Variants in GAB3 observed in about 807,000 individuals in gnomAD.
GAB3 encodes the protein GRB2 associated binding protein 3, also known as GRB2-associated-binding protein 3.
A neutral mutation model predicts 40.4 loss-of-function variants in GAB3; 12 were observed. The ratio of observed to expected loss-of-function variants is 0.30; its 90% confidence interval spans 0.19 to 0.48. The LOEUF is 0.48. GAB3 is among the 20% of genes least tolerant of loss of function. The pLI, the probability that GAB3 is intolerant of heterozygous loss-of-function variation, is 0.99. For missense variants in GAB3, 381 were observed against 461.9 expected, an observed-to-expected ratio of 0.82 and a Z score of 1.61; for synonymous variants, 154 against 176.7, an observed-to-expected ratio of 0.87 and a Z score of 1.02.
chrX:154,730,362 A>G (rs782194021), intron 1 of GAB3, among the ~76,000 whole-genome samples: 3 of 112,035 alleles, frequency 2.7e-5, no homozygotes, highest in Non-Finnish European at 5.6e-5. Flanking sequence ...ACATATACTT[A>G]GTAGATTCTA....
chrX:154,713,154 T>G, intron 3 of GAB3, 53 bp downstream of exon 3: 2 of 1,020,587 alleles, frequency 2.0e-6, no homozygotes, highest in South Asian at 1.9e-5. Flanking sequence ...AGTGTGACTC[T>G]AGAGAGCATG....
chrX:154,726,097 CA>C (rs2071208909), intron 1 of GAB3, among the ~76,000 whole-genome samples: 1 of 110,759 alleles, frequency 9.0e-6, no homozygotes, highest in Non-Finnish European at 1.9e-5. Flanking sequence ...GACTCATAAC[CA>C]AAGGAAAAAT....
intron 1 of GAB3, among the ~76,000 whole-genome samples, chrX:154,739,759 CTGCAT>C: frequency 8.9e-6 from 1 of 112,047 alleles, no homozygotes; most frequent in Admixed American, 9.4e-5. Flanking sequence ...TGAAACATGA[CTGCAT>C]TACCTATTTG....
Position 154,676,033 on chromosome X carries a change from T to G in GAB3, c.*2145A>C, listed in dbSNP as rs782536795. 2.4e-4 allele frequency: 27 copies of G among 112,139 alleles called. No homozygotes were observed. Among genetic ancestry groups the G allele is most frequent in the Non-Finnish European group, 4.9e-4 (26 of 53,228 alleles). The allele number at this position is 112,139 out of a possible 1,213,427, so 9.2% of individuals were successfully genotyped here. A position where few individuals can be genotyped will look rare whatever the true frequency, so the allele number is the denominator to read the frequency against. ...CCCCTATCGCCTTCCATACCTTTAA[T>G]GTAGAGAGTGCCTATTCAGAGCATT... is the stretch of plus-strand genomic sequence containing the variant. On this transcript the variant is annotated 3_prime_UTR_variant, in exon 10 of 10. Coordinates refer to ENST00000424127, the MANE Select transcript of GAB3 (RefSeq NM_001081573.3).
intron 8 of GAB3, among the ~76,000 whole-genome samples, chrX:154,692,091 A>C (rs2070579015): frequency 8.9e-6 from 1 of 111,987 alleles, no homozygotes; most frequent in African/African-American, 3.2e-5. Flanking sequence ...GAGAATCTTC[A>C]TGACATTGGA....
Position 154,712,445 on chromosome X carries a change from T to C in GAB3, c.853A>G (p.Ile285Val). The change falls in exon 4 of 10, where the codon ATT becomes GTT. Residue 285 changes from isoleucine to valine, a missense_variant. Ile to Val is a conservative substitution (Grantham distance 29). This residue lies in a region of GAB3 where 364 missense variants were observed against 421.0 expected (regional missense o/e 0.86). Coordinates refer to ENST00000424127, the MANE Select transcript of GAB3 (RefSeq NM_001081573.3). ...GAACCTTGATTTTTATCTACCTGAA[T>C]GGTGGAACTTAAGGAACTTTCCAGC... ...PLLESSLSST[I>V]QVDKNQGSLP... 1 of 1,211,158 alleles carries C rather than the reference T, an allele frequency of 8.3e-7. No individual in the cohort carries two copies. The highest frequency in any genetic ancestry group is 1.1e-6 in the Non-Finnish European group (1 of 895,048).
chrX:154,682,799 G>A (rs1047337733), intron 8 of GAB3, among the ~76,000 whole-genome samples: 12 of 110,505 alleles, frequency 1.1e-4, no homozygotes, highest in African/African-American at 4.0e-4. Flanking sequence ...CCAACATGGT[G>A]AAACTCTGTC....
At chrX:154,740,146 A>C (rs1315382893) in intron 1 of GAB3, among the ~76,000 whole-genome samples, 2 of 112,339 alleles carry the variant, frequency 1.8e-5, no homozygotes, top group Non-Finnish European at 3.8e-5. Flanking sequence ...ATAATTGCAC[A>C]TAACCACAAA....
chrX:154,749,007 A>C (rs1603428609), intron 1 of GAB3, among the ~76,000 whole-genome samples: 1 of 112,267 alleles, frequency 8.9e-6, no homozygotes, highest in Admixed American at 9.4e-5. Flanking sequence ...CAGCGAAAAA[A>C]GCATTGACTA....
chrX:154,736,680 G>A lies in GAB3; in HGVS notation c.72+14274C>T, dbSNP rs147893620. 9.2e-3 allele frequency among the ~76,000 whole-genome samples: 1,035 copies of A among 112,581 alleles called. 14 individuals are homozygous for A. Among genetic ancestry groups the A allele is most frequent in the African/African-American group, 0.032 (976 of 30,923 alleles). Reference sequence around the variant, plus strand: ...GGTATTCATCAAATGCAGGGGCAGGGAGAATAAGCCAGGGTTGGACCTGAG... The same window carrying A: ...GGTATTCATCAAATGCAGGGGCAGGAAGAATAAGCCAGGGTTGGACCTGAG... On this transcript the variant is annotated intron_variant, in intron 1 of 9. Transcript: ENST00000424127.
chrX:154,749,330 G>A (rs1357806056), intron 1 of GAB3, among the ~76,000 whole-genome samples: 3 of 112,705 alleles, frequency 2.7e-5, no homozygotes, highest in African/African-American at 9.7e-5. Context: ...TGCCCTCCAG[G>A]GGCATCTTTC....
chrX:154,695,753 T>C (rs1380543453), intron 8 of GAB3, among the ~76,000 whole-genome samples, 164 bp downstream of exon 8: 2 of 112,315 alleles, frequency 1.8e-5, no homozygotes, highest in Admixed American at 9.4e-5. Context: ...CAACTTCAAA[T>C]TGATTTGTTC....
chrX:154,699,549 C>G, intron 5 of GAB3, 36 bp from the exon 6 acceptor site: 3 of 1,138,451 alleles, frequency 2.6e-6, no homozygotes, highest in South Asian at 1.9e-5. Context: ...GAACCACAGA[C>G]CAGTCATGGA....
chrX:154,716,302 G>A lies in GAB3; in HGVS notation c.100C>T (p.Arg34Trp), dbSNP rs367928240. The change falls in exon 2 of 10, where the codon CGG becomes TGG. Residue 34 changes from arginine (R) to tryptophan (W), a missense_variant. Arg to Trp is a moderately radical substitution (Grantham distance 101). Around this residue, in one of 2 missense-constraint regions of GAB3, gnomAD observed 364 missense variants for 421.0 expected, o/e 0.86. Transcript: ENST00000424127. ...YAWRKRWFVL[R>W]RGRMSGNPDV... The stretch of plus-strand genomic sequence containing the variant: ...GGGTTGCCGCTCATGCGGCCTCGCC[G>A]GAGGACAAACCAGCGCTTGCGCCAG... 20 of 1,210,491 alleles carry A rather than the reference G, an allele frequency of 1.7e-5. No homozygotes were observed. Among genetic ancestry groups the A allele is most frequent in the East Asian group, 1.2e-4 (4 of 33,825 alleles).
At chrX:154,724,046 CTT>C (rs782656394) in intron 1 of GAB3, among the ~76,000 whole-genome samples, 9 of 111,887 alleles carry the variant, frequency 8.0e-5, no homozygotes, top group Non-Finnish European at 1.5e-4. Context: ...GTAAAAGTAA[CTT>C]ATAAAACGAC....
chrX:154,739,139 C>A (rs2071402527), intron 1 of GAB3, among the ~76,000 whole-genome samples: 1 of 111,239 alleles, frequency 9.0e-6, no homozygotes, highest in Non-Finnish European at 1.9e-5. Context: ...GGAGTGGGAG[C>A]CCAGTGTCAA....
At chrX:154,678,407 A>G in intron 9 of GAB3, 113 bp from the exon 10 acceptor site, 1 of 489,310 alleles carries the variant, frequency 2.0e-6, no homozygotes, top group Non-Finnish European at 3.6e-6. Context: ...TCTGTGTGGA[A>G]ACTTTGTACT....
Position 154,695,927 on chromosome X carries a change from T to C in GAB3, c.1520A>G (p.Tyr507Cys). The C allele has an allele frequency of 8.6e-7, 1 of 1,158,865 alleles. No homozygotes were observed. Among genetic ancestry groups the C allele is most frequent in the Non-Finnish European group, 1.2e-6 (1 of 848,773 alleles). The change falls in exon 8 of 10, where the codon TAC (tyrosine) becomes TGC (cysteine). Residue 507 changes from tyrosine to cysteine, a missense_variant. Around this residue, in one of 2 missense-constraint regions of GAB3, gnomAD observed 364 missense variants for 421.0 expected, o/e 0.86. Transcript: ENST00000424127. The part of the protein sequence containing the change: ...NPVSREDEES[Y>C]IEMEEHRTAS... ...AAAATATAAGATTACCATTTCGATG[T>C]AGCTTTCTTCGTCTTCTCTGGAAAC...
intron 1 of GAB3, among the ~76,000 whole-genome samples, chrX:154,728,931 C>G (rs2071253558): frequency 8.9e-6 from 1 of 112,021 alleles, no homozygotes; most frequent in African/African-American, 3.3e-5. Context: ...GTGGTGGGTA[C>G]ATGACTCTAC....
Sources: gnomAD v4.1 joint callset for allele counts (sites outside exome capture counted in the v4.1 genomes callset) on GRCh38, gnomAD v4.1.1 for gene constraint, gnomAD v4.1.1 regional missense constraint, MANE v1.5 for transcripts, NCBI Gene and HGNC (gene_info 2026-07-23, HGNC 2026-07-21) for gene names.